The following CALCR variants were observed in gnomAD, a reference collection of about 807,000 sequenced individuals.
The protein encoded by CALCR is calcitonin receptor.
CALCR carries 47 observed loss-of-function variants against 59.5 expected under a neutral mutation model. That is an observed-to-expected ratio of 0.79 (90% CI 0.63 to 1.01). CALCR has a LOEUF of 1.01. Among genes scored for constraint, CALCR ranks in the 50% least tolerant of loss-of-function variants. CALCR has a pLI of 0.00. For missense variants in CALCR, 566 were observed against 597.1 expected (o/e 0.95, Z 0.54); for synonymous variants, 213 against 211.3 (o/e 1.01, Z -0.07).
chr7:93,457,304 G>A (rs115179849), intron 8 of CALCR, among the ~76,000 whole-genome samples: 8 of 152,132 alleles, frequency 5.3e-5, no homozygotes, highest in South Asian at 2.1e-4. Flanking sequence ...CAGGACAACC[G>A]CTGGGAAGTG....
intron 2 of CALCR, among the ~76,000 whole-genome samples, chr7:93,536,206 T>C (rs908253846): frequency 5.9e-5 from 9 of 151,772 alleles, no homozygotes; most frequent in African/African-American, 2.2e-4. Context: ...AAATAAATCC[T>C]GATAGCTGTT....
intron 2 of CALCR, among the ~76,000 whole-genome samples, chr7:93,527,637 C>T (rs12704675): frequency 0.28 from 42,587 of 151,974 alleles, 7,103 homozygotes; most frequent in Non-Finnish European, 0.38. Context: ...GTTCTAGAAA[C>T]AGCACAATCA....
At chr7:93,524,524 A>G (rs1801836474) in intron 2 of CALCR, among the ~76,000 whole-genome samples, 1 of 151,916 alleles carries the variant, frequency 6.6e-6, no homozygotes, top group South Asian at 2.1e-4. Context: ...TATATATTCA[A>G]ATTGTAACAG....
intron 2 of CALCR, among the ~76,000 whole-genome samples, chr7:93,524,321 C>T (rs753837815): frequency 6.6e-5 from 10 of 151,990 alleles, no homozygotes; most frequent in Admixed American, 3.3e-4. Context: ...AGGCGCCTGC[C>T]ACCACGCCCG....
At chr7:93,530,877 A>C (rs1788813905) in intron 2 of CALCR, among the ~76,000 whole-genome samples, 1 of 152,118 alleles carries the variant, frequency 6.6e-6, no homozygotes, top group Non-Finnish European at 1.5e-5. Flanking sequence ...CTGGACCAGC[A>C]GCACAGACAT....
At chr7:93,512,521 A>G (rs1170723385) in intron 2 of CALCR, among the ~76,000 whole-genome samples, 2 of 152,184 alleles carry the variant, frequency 1.3e-5, no homozygotes, top group Non-Finnish European at 2.9e-5. Flanking sequence ...GCCTTAAAAA[A>G]TGCACATAAG....
At chr7:93,509,544 G>C (rs1009408916) in intron 2 of CALCR, among the ~76,000 whole-genome samples, 1 of 152,018 alleles carries the variant, frequency 6.6e-6, no homozygotes, top group South Asian at 2.1e-4. Flanking sequence ...ATACTCTAGA[G>C]GCCAACTGCT....
intron 2 of CALCR, among the ~76,000 whole-genome samples, chr7:93,492,329 A>G (rs7787275): frequency 0.027 from 4,110 of 151,458 alleles, 208 homozygotes; most frequent in African/African-American, 0.095. Flanking sequence ...AAAATAAAAT[A>G]TGCACTCACA....
chr7:93,552,154 T>C (rs896633433), intron 2 of CALCR, among the ~76,000 whole-genome samples: 3 of 152,178 alleles, frequency 2.0e-5, no homozygotes, highest in Non-Finnish European at 4.4e-5. Flanking sequence ...AGCTGAGTGA[T>C]CTTGGGCATT....
At chr7:93,427,488 C>T (rs978216372) in intron 13 of CALCR, among the ~76,000 whole-genome samples, 18 of 152,272 alleles carry the variant, frequency 1.2e-4, no homozygotes, top group Middle Eastern at 3.4e-3. Flanking sequence ...AACAAGCTTA[C>T]ATAAAAATAT....
chr7:93,454,959 T>C (rs1001411358), intron 8 of CALCR, among the ~76,000 whole-genome samples: 1 of 150,524 alleles, frequency 6.6e-6, no homozygotes, highest in Non-Finnish European at 1.5e-5. Flanking sequence ...TGTGTGTGTT[T>C]TCCTTACCCT....
intron 2 of CALCR, among the ~76,000 whole-genome samples, chr7:93,513,129 G>T (rs1277722245): frequency 1.3e-5 from 2 of 152,102 alleles, no homozygotes; most frequent in African/African-American, 2.4e-5. Flanking sequence ...CCACTTCCTT[G>T]TGATTCCTGA....
At chr7:93,497,354 C>T (rs1395271437) in intron 2 of CALCR, among the ~76,000 whole-genome samples, 2 of 151,624 alleles carry the variant, frequency 1.3e-5, no homozygotes, top group Non-Finnish European at 3.0e-5. Flanking sequence ...TATGTGTATA[C>T]ATCATCTAAT....
At chr7:93,480,867 CTG>C (rs1050841599) in intron 3 of CALCR, among the ~76,000 whole-genome samples, 9 of 151,780 alleles carry the variant, frequency 5.9e-5, no homozygotes, top group Non-Finnish European at 1.0e-4. Flanking sequence ...CCACAAAAGT[CTG>C]GAGGTTGGAA....
chr7:93,571,765 C>T (rs1790010889), intron 2 of CALCR, among the ~76,000 whole-genome samples: 1 of 151,992 alleles, frequency 6.6e-6, no homozygotes, highest in Non-Finnish European at 1.5e-5. Flanking sequence ...CTAATGGGTC[C>T]TCAATTTCCT....
At position 93,435,995 on chromosome 7, in the gene CALCR, C is replaced by T. The variant is rs781150787; in HGVS notation, c.1106G>A (p.Gly369Glu). The T allele has an allele frequency of 1.9e-6, 3 of 1,613,506 alleles. No homozygotes were observed. Among genetic ancestry groups the T allele is most frequent in the Admixed American group, 3.3e-5 (2 of 60,002 alleles). ...GTGCATCACGTAATCATATATCTTC[C>T]CAAGCATCTTGTTGGAAGGTCTCCA... The part of the protein sequence containing the change: ...FPWRPSNKML[G>E]KIYDYVMHSL... The change falls in exon 12 of 14, where the codon GGG (glycine) becomes GAG (glutamate). Residue 369 changes from glycine to glutamate, a missense_variant. Gly to Glu is a moderately conservative substitution (Grantham distance 98). Transcript: ENST00000426151.
At chr7:93,469,310 G>A (rs1426767530) in intron 6 of CALCR, among the ~76,000 whole-genome samples, 1 of 137,822 alleles carries the variant, frequency 7.3e-6, no homozygotes, top group Non-Finnish European at 1.5e-5. Flanking sequence ...TTTCCCCTTG[G>A]CAGCCATTTG....
At chr7:93,475,364 C>T (rs560073258) in intron 5 of CALCR, among the ~76,000 whole-genome samples, 40 of 151,774 alleles carry the variant, frequency 2.6e-4, no homozygotes, top group African/African-American at 9.6e-4. Flanking sequence ...CTATTTAAAG[C>T]ATCTCTATTG....
chr7:93,561,292 A>AT (rs1358949956), intron 2 of CALCR, among the ~76,000 whole-genome samples: 4 of 151,780 alleles, frequency 2.6e-5, no homozygotes, highest in Non-Finnish European at 4.4e-5. Flanking sequence ...TAATAACATC[A>AT]TTTTTTTTCA....
Sources: allele counts gnomAD v4.1 joint callset (sites outside exome capture counted in the v4.1 genomes callset), GRCh38; gene constraint gnomAD v4.1.1; transcripts MANE v1.5; gene names NCBI Gene and HGNC (gene_info 2026-07-23, HGNC 2026-07-21).